Variants in SEPTIN6 observed in about 807,000 individuals in gnomAD.
SEPTIN6 encodes the protein septin-6.
A neutral mutation model predicts 33.6 loss-of-function variants in SEPTIN6; 8 were observed. The observed-to-expected ratio is 0.24, with a 90% CI of 0.14 to 0.43. The LOEUF (loss-of-function observed/expected upper bound fraction) is 0.43. SEPTIN6 is among the 20% of genes least tolerant of loss of function. SEPTIN6 has a pLI of 1.00. For missense variants in SEPTIN6, 250 were observed against 340.8 expected, an observed-to-expected ratio of 0.73 and a Z score of 2.10; for synonymous variants, 131 against 140.0, an observed-to-expected ratio of 0.94 and a Z score of 0.45.
In SEPTIN6 at chrX:119,633,441, C is replaced by T; in HGVS notation, c.1008G>A (p.Gln336=). The T allele has an allele frequency of 1.7e-6, 2 of 1,209,229 alleles. No individual in the cohort carries two copies. The highest frequency in any genetic ancestry group is 2.2e-6 in the Non-Finnish European group (2 of 893,844). The change falls in exon 8 of 11, where the codon CAG becomes CAA. Residue 336 remains glutamine (Q), a synonymous_variant. Transcript: ENST00000394610. ...AKRNEFLGEL[Q]KKEEEMRQMF... ...TCTGTCTCATCTCCTCTTCTTTTTT[C>T]TGGAGTTCCCCTAGGAACTCGTTCC...
rs548828564 is a variant in SEPTIN6 at position 119,639,406 on chromosome X, A to C, written c.787+1286T>G. ...TTGTGCACTGAACTGACTAGCCCTG[A>C]GGGTAAGTTAACATATGTCAGGCAG... On this transcript the variant is annotated intron_variant, in intron 6 of 10. Transcript: ENST00000394610. Among the ~76,000 whole-genome samples the C allele has an allele frequency of 5.3e-5, 6 of 112,375 alleles. No individual in the cohort carries two copies. The South Asian group carries it at 2.2e-3, about 41-fold the overall frequency.
chrX:119,622,652 A>C (rs927912440), intron 10 of SEPTIN6, among the ~76,000 whole-genome samples: 1 of 112,552 alleles, frequency 8.9e-6, no homozygotes, highest in Non-Finnish European at 1.9e-5. Context: ...GGCCACTAAC[A>C]ATGATTTACT....
intron 1 of SEPTIN6, 52 bp downstream of exon 1, chrX:119,693,024 G>C: frequency 9.6e-6 from 11 of 1,145,304 alleles, no homozygotes; most frequent in Non-Finnish European, 1.3e-5. Flanking sequence ...AGGTCTCCTT[G>C]ACCCTCACCA....
chrX:119,617,272 C>T lies in SEPTIN6; in HGVS notation c.*2821G>A. The stretch of plus-strand genomic sequence containing the variant: ...TTTTTTTTAAATAGTAACAGTTGTA[C>T]TAATTTAAAAGCCTTTTCATTGAAG... On this transcript the variant is annotated 3_prime_UTR_variant, in exon 11 of 11. Transcript: ENST00000394610. 24 of 803,273 alleles carry T rather than the reference C, an allele frequency of 3.0e-5. No homozygotes were observed. The highest frequency in any genetic ancestry group is 3.6e-5 in the Non-Finnish European group (24 of 669,004). 66.2% of individuals were successfully genotyped at this position (803,273 alleles called of 1,213,427 possible).
At chrX:119,649,111 A>AT (rs200217501) in intron 5 of SEPTIN6, among the ~76,000 whole-genome samples, 1,510 of 75,558 alleles carry the variant, frequency 0.02, 28 homozygotes, top group African/African-American at 0.03. Flanking sequence ...CATAACGCTG[A>AT]TTTTTTTTTT....
rs1185696082 is a variant in SEPTIN6, at chrX:119,684,482, G to T, written c.30+8594C>A. ...CAAAAGCACTGATAAGTTCCCAGAG[G>T]TTTTTTTTTTTTTTTTTTTTTTCTG... is the stretch of plus-strand genomic sequence containing the variant. On this transcript the variant is annotated intron_variant, in intron 1 of 10. Transcript: ENST00000394610. Among the ~76,000 whole-genome samples the T allele has an allele frequency of 1.1e-4, 9 of 79,439 alleles. 1 individual carries two copies. Among genetic ancestry groups the T allele is most frequent in the East Asian group, 9.1e-4 (2 of 2,194 alleles). The allele number at this position is 79,439 out of a possible 115,157, so 69.0% of individuals were successfully genotyped here. A position where few individuals can be genotyped will look rare whatever the true frequency, so the allele number is the denominator to read the frequency against.
chrX:119,640,008 C>T (rs1191314495), intron 6 of SEPTIN6, among the ~76,000 whole-genome samples: 5 of 104,566 alleles, frequency 4.8e-5, no homozygotes, highest in Non-Finnish European at 5.9e-5. Context: ...AACGGGGTTT[C>T]ACCATGTTGG....
intron 2 of SEPTIN6, among the ~76,000 whole-genome samples, chrX:119,664,448 CT>C (rs969233975): frequency 9.0e-6 from 1 of 111,358 alleles, no homozygotes; most frequent in African/African-American, 3.3e-5. Context: ...TTTCTTTATG[CT>C]TTTTTATATT....
intron 10 of SEPTIN6, among the ~76,000 whole-genome samples, chrX:119,621,550 G>A (rs1221541444): frequency 9.5e-6 from 1 of 105,014 alleles, no homozygotes; most frequent in Non-Finnish European, 1.9e-5. Context: ...GGAGTGCAAT[G>A]GTGCGATCTT....
chrX:119,651,164 C>G lies in SEPTIN6; in HGVS notation c.529-1066G>C, dbSNP rs745368323. 2.7e-5 allele frequency among the ~76,000 whole-genome samples: 3 copies of G among 111,414 alleles called. No homozygotes were observed. In the East Asian group the frequency reaches 8.5e-4, roughly 31 times the overall value. On this transcript the variant is annotated intron_variant, in intron 4 of 10. Transcript: ENST00000394610. ...AAAAGGGGAGTCTGGGAGCTCCAGA[C>G]GTGGAAGAAAAATCCTGCTTCCTCT...
chrX:119,679,917 T>C (rs961522094), intron 1 of SEPTIN6, among the ~76,000 whole-genome samples: 1 of 111,282 alleles, frequency 9.0e-6, no homozygotes. Flanking sequence ...CAAGGAGTGA[T>C]TGGGCAGAGA....
At chrX:119,683,453 A>G (rs2054999595) in intron 1 of SEPTIN6, among the ~76,000 whole-genome samples, 1 of 112,451 alleles carries the variant, frequency 8.9e-6, no homozygotes, top group Non-Finnish European at 1.9e-5. Flanking sequence ...GTGATACATG[A>G]TGGAATATTA....
chrX:119,640,471 TACCTTTCCCATTAGAAATTAGAGGG>T (rs2054139943), intron 6 of SEPTIN6, among the ~76,000 whole-genome samples, 196 bp downstream of exon 6: 2 of 100,196 alleles, frequency 2.0e-5, no homozygotes, highest in African/African-American at 7.6e-5. Flanking sequence ...GTTTTAGGAA[TACCTTTCCCATTAGAAATTAGAGGG>T]AGCTTGCTCC....
chrX:119,653,490 C>T lies in SEPTIN6; in HGVS notation c.342-450G>A, dbSNP rs370265685. ...CTGTGAAGGGCACTTGTCTGTCCCT[C>T]GGGGGGCCCCAACACAGCATGGAGC... On this transcript the variant is annotated intron_variant, in intron 3 of 10. Coordinates refer to ENST00000394610, the MANE Select transcript of SEPTIN6 (RefSeq NM_145799.4). 1.7e-3 allele frequency among the ~76,000 whole-genome samples: 187 copies of T among 112,519 alleles called. 1 individual carries two copies. The highest frequency in any genetic ancestry group is 6.5e-3 in the Admixed American group (69 of 10,648).
chrX:119,619,730 GAGCTGGTGGGAAAGAGT>G lies in SEPTIN6; in HGVS notation c.*346_*362del. On this transcript the variant is annotated 3_prime_UTR_variant, in exon 11 of 11. Transcript: ENST00000394610. ...AACAGCAACCAGAACTGGAACAGGG[GAGCTGGTGGGAAAGAGT>G]AGCAGATGGGCCCCCTGACCATGTC... 1.0e-6 allele frequency: 1 copy of G among 972,862 alleles called. No individual in the cohort carries two copies. The highest frequency in any genetic ancestry group is 1.3e-6 in the Non-Finnish European group (1 of 774,480). 80.2% of individuals were successfully genotyped at this position (972,862 alleles called of 1,213,427 possible). A position where few individuals can be genotyped will look rare whatever the true frequency, so the allele number is the denominator to read the frequency against.
At chrX:119,660,749 C>G (rs1473040149) in intron 3 of SEPTIN6, among the ~76,000 whole-genome samples, 2 of 106,651 alleles carry the variant, frequency 1.9e-5, no homozygotes, top group African/African-American at 7.1e-5. Flanking sequence ...GCAGAGGTGG[C>G]CAGGCACAGT....
Position 119,619,677 on chromosome X carries a change from T to C in SEPTIN6, c.*416A>G. 4 of 903,331 alleles carry C rather than the reference T, an allele frequency of 4.4e-6. No individual in the cohort carries two copies. Among genetic ancestry groups the C allele is most frequent in the Non-Finnish European group, 5.5e-6 (4 of 733,491 alleles). 74.4% of individuals were successfully genotyped at this position (903,331 alleles called of 1,213,427 possible). On this transcript the variant is annotated 3_prime_UTR_variant, in exon 11 of 11. Transcript: ENST00000394610. ...GTGCTGATCGGTGGTTACCCAGCCA[T>C]GGTGGTTGCAAATACCTCAGGGAAA...
At chrX:119,651,334 C>T (rs1367585346) in intron 4 of SEPTIN6, among the ~76,000 whole-genome samples, 1 of 112,038 alleles carries the variant, frequency 8.9e-6, no homozygotes, top group Non-Finnish European at 1.9e-5. Context: ...GCAGGCAGAG[C>T]CTATTCTCCT....
At chrX:119,650,140 T>C (rs1211146537) in intron 4 of SEPTIN6, 42 bp from the exon 5 acceptor site, 7 of 1,167,820 alleles carry the variant, frequency 6.0e-6, no homozygotes, top group Non-Finnish European at 8.1e-6. Flanking sequence ...GTTGGTAACC[T>C]GCAACTGATA....
Sources: allele counts gnomAD v4.1 joint callset (sites outside exome capture counted in the v4.1 genomes callset), GRCh38; gene constraint gnomAD v4.1.1; transcripts MANE v1.5; gene names NCBI Gene and HGNC (gene_info 2026-07-23, HGNC 2026-07-21).